The following CDK13 variants were observed in gnomAD, a reference collection of about 807,000 sequenced individuals.
The protein encoded by CDK13 is cyclin-dependent kinase 13.
CDK13 carries 40 observed loss-of-function variants against 137.6 expected under a neutral mutation model. That is an observed-to-expected ratio of 0.29 (90% CI 0.23 to 0.38). The LOEUF (loss-of-function observed/expected upper bound fraction) is 0.38, where lower values mean the gene tolerates loss of function less well. Among genes scored for constraint, CDK13 ranks in the 10% least tolerant of loss-of-function variants. CDK13 has a pLI of 1.00. For synonymous variants in CDK13, 869 were observed against 760.1 expected (o/e 1.14, Z -2.36); for missense variants, 1,704 against 1,951.8 (o/e 0.87, Z 2.39).
chr7:40,046,037 A>G lies in CDK13; in HGVS notation c.2543+12A>G. The stretch of plus-strand genomic sequence containing the variant: ...CTTCTAAATAATAGGTATGGGTATG[A>G]ACTTTATATATATTTAAAATGAGTT... On this transcript the variant is annotated intron_variant, in intron 6 of 13. Coordinates refer to ENST00000181839, the MANE Select transcript of CDK13 (RefSeq NM_003718.5). 1 of 1,399,574 alleles carries G rather than the reference A, an allele frequency of 7.1e-7. No individual in the cohort carries two copies. The highest frequency in any genetic ancestry group is 1.0e-6 in the Non-Finnish European group (1 of 1,002,878). 86.7% of individuals were successfully genotyped at this position (1,399,574 alleles called of 1,614,324 possible). A position where few individuals can be genotyped will look rare whatever the true frequency, so the allele number is the denominator to read the frequency against.
At chr7:40,090,574 G>T (rs919912781) in intron 12 of CDK13, among the ~76,000 whole-genome samples, 2 of 152,014 alleles carry the variant, frequency 1.3e-5, no homozygotes, top group East Asian at 3.9e-4. Flanking sequence ...GGCTGGTCTC[G>T]AACTCCTGAC....
rs1408720291 is a variant in CDK13, at chr7:40,063,005, G to A, written c.2703-18G>A. On this transcript the variant is annotated intron_variant, in intron 8 of 13. Coordinates refer to ENST00000181839, the MANE Select transcript of CDK13 (RefSeq NM_003718.5). ...TTAAAATAGATCATTTGGTAATGAC[G>A]GGTATTTTTTCCATTAGCTGTATCC... 13 of 1,610,534 alleles carry A rather than the reference G, an allele frequency of 8.1e-6. No homozygotes were observed. In the East Asian group the frequency reaches 8.9e-5, roughly 11 times the overall value.
intron 9 of CDK13, chr7:40,069,377 G>A (rs1786360658): frequency 2.2e-6 from 1 of 448,594 alleles, no homozygotes; most frequent in African/African-American, 2.0e-5. Flanking sequence ...ATACCGAAAA[G>A]TGTGTGGCCT....
chr7:40,029,284 C>T (rs780382229), intron 5 of CDK13, among the ~76,000 whole-genome samples: 2 of 151,786 alleles, frequency 1.3e-5, no homozygotes, highest in African/African-American at 4.8e-5. Context: ...AAAAATCATT[C>T]GATCGTGGTG....
chr7:40,015,593 G>T (rs17537936), intron 5 of CDK13, among the ~76,000 whole-genome samples: 5,968 of 152,166 alleles, frequency 0.039, 345 homozygotes, highest in African/African-American at 0.13. Flanking sequence ...TAGCTTGGTA[G>T]TAGATTGATT....
chr7:39,950,428 T>C lies in CDK13; in HGVS notation c.-214T>C. 1 of 1,232,438 alleles carries C rather than the reference T, an allele frequency of 8.1e-7. No homozygotes were observed. The highest frequency in any genetic ancestry group is 1.0e-6 in the Non-Finnish European group (1 of 988,354). 76.3% of individuals were successfully genotyped at this position (1,232,438 alleles called of 1,614,324 possible). ...TCGGGAGCTCCGCCGCCCGGATTCC[T>C]GCTTCCCTGGGGCCCGGAGGCTGCT... On this transcript the variant is annotated 5_prime_UTR_variant, in exon 1 of 14. Coordinates refer to ENST00000181839, the MANE Select transcript of CDK13 (RefSeq NM_003718.5).
chr7:40,085,370 A>G (rs940283338), intron 11 of CDK13, among the ~76,000 whole-genome samples: 1 of 148,032 alleles, frequency 6.8e-6, no homozygotes. Context: ...TTCCATCTCA[A>G]AAAAAAAAAA....
intron 5 of CDK13, among the ~76,000 whole-genome samples, chr7:40,005,521 T>C (rs183617687): frequency 1.8e-3 from 281 of 152,222 alleles, no homozygotes; most frequent in African/African-American, 6.3e-3. Flanking sequence ...GGTCTGGAAC[T>C]CCTGACCTCA....
In CDK13 at chr7:40,096,402, T is replaced by C. The variant is rs1787048175; in HGVS notation, c.*1422T>C. ...GGAGTAGTCCTTATTTAAACTGTAA[T>C]GGTGTCAAGTCTCACTGTGTGCACA... is the stretch of plus-strand genomic sequence containing the variant. On this transcript the variant is annotated 3_prime_UTR_variant, in exon 14 of 14. Coordinates refer to ENST00000181839, the MANE Select transcript of CDK13 (RefSeq NM_003718.5). 6.6e-6 allele frequency: 1 copy of C among 152,076 alleles called. No homozygotes were observed. The highest frequency in any genetic ancestry group is 1.5e-5 in the Non-Finnish European group (1 of 67,992). The allele number at this position is 152,076 out of a possible 1,614,324, so 9.4% of individuals were successfully genotyped here. A position where few individuals can be genotyped will look rare whatever the true frequency, so the allele number is the denominator to read the frequency against.
At chr7:40,029,156 G>A (rs1785310532) in intron 5 of CDK13, among the ~76,000 whole-genome samples, 1 of 151,986 alleles carries the variant, frequency 6.6e-6, no homozygotes, top group South Asian at 2.1e-4. Flanking sequence ...GCTGGGCGTG[G>A]TGGCTCACAC....
chr7:40,081,246 T>C (rs1353060389), intron 11 of CDK13, among the ~76,000 whole-genome samples: 1 of 152,226 alleles, frequency 6.6e-6, no homozygotes, highest in East Asian at 1.9e-4. Flanking sequence ...GTGATAATTA[T>C]GTTCAAGAGA....
chr7:39,970,036 AGACAGCGT>A (rs1437985448), intron 1 of CDK13, among the ~76,000 whole-genome samples: 9 of 128,342 alleles, frequency 7.0e-5, no homozygotes, highest in Non-Finnish European at 1.1e-4. Flanking sequence ...TTTTTTTTTG[AGACAGCGT>A]GTCTCACTCT....
intron 11 of CDK13, among the ~76,000 whole-genome samples, chr7:40,086,809 CTTT>C (rs35337864): frequency 9.8e-5 from 12 of 122,478 alleles, no homozygotes; most frequent in African/African-American, 2.0e-4. Flanking sequence ...TAGCCTTACT[CTTT>C]TTTTTTTTTT....
intron 12 of CDK13, among the ~76,000 whole-genome samples, chr7:40,089,500 T>A (rs1432023532): frequency 1.3e-5 from 2 of 152,058 alleles, no homozygotes; most frequent in African/African-American, 4.8e-5. Context: ...AATTTCTTCC[T>A]TTGACTCAGT....
rs1247887509 is a variant in CDK13 at position 39,997,573 on chromosome 7, C to G, written c.1951C>G (p.Leu651Val). 2 of 1,607,672 alleles carry G rather than the reference C, an allele frequency of 1.2e-6. No homozygotes were observed. The highest frequency in any genetic ancestry group is 2.2e-5 in the East Asian group (1 of 44,814). Residue 651 changes from leucine to valine, a missense_variant, in exon 3 of 14, where the codon CTG (leucine) becomes GTG (valine). This residue lies in a region of CDK13 where 1,051 missense variants were observed against 931.0 expected (regional missense o/e 1.13). Coordinates refer to ENST00000181839, the MANE Select transcript of CDK13 (RefSeq NM_003718.5). ...KLRCLLADLP[L>V]PPELPGGDDL... The stretch of plus-strand genomic sequence containing the variant: ...CCGATGTCTTCTTGCTGATTTACCG[C>G]TGCCCCCTGAGCTACCAGGAGGAGA...
At chr7:39,982,771 G>A (rs1490961760) in intron 1 of CDK13, among the ~76,000 whole-genome samples, 2 of 152,184 alleles carry the variant, frequency 1.3e-5, no homozygotes, top group East Asian at 3.8e-4. Context: ...GGCCAGTGAT[G>A]ATGAGCATTT....
intron 4 of CDK13, 118 bp from the exon 5 acceptor site, chr7:40,001,739 ATACT>A: frequency 1.4e-6 from 1 of 734,134 alleles, no homozygotes; most frequent in Middle Eastern, 4.1e-4. Context: ...AAACTGAAAC[ATACT>A]TTGTGGTTCT....
At chr7:39,954,838 C>CA (rs1787357966) in intron 1 of CDK13, among the ~76,000 whole-genome samples, 1 of 152,166 alleles carries the variant, frequency 6.6e-6, no homozygotes, top group Admixed American at 6.6e-5. Flanking sequence ...AGGCTGGTGT[C>CA]AAACTCCTGG....
chr7:39,992,163 G>GGGGGGTGT lies in CDK13; in HGVS notation c.1871+3906_1871+3907insGGGGTGTG, dbSNP rs550297232. On this transcript the variant is annotated intron_variant, in intron 2 of 13. Coordinates refer to ENST00000181839, the MANE Select transcript of CDK13 (RefSeq NM_003718.5). ...CTAGTTGTTTAAGAGAACTAATGAGGGTGTGTGTGTGTGTGTGTGTGTGTG... is the reference window on the plus strand; with the variant it reads ...CTAGTTGTTTAAGAGAACTAATGAGGGGGGGTGTGTGTGTGTGTGTGTGTGTGTGTGTG... 1.1e-4 allele frequency among the ~76,000 whole-genome samples: 16 copies of GGGGGGTGT among 146,408 alleles called. 1 individual carries two copies. The highest frequency in any genetic ancestry group is 4.4e-4 in the South Asian group (2 of 4,508).
Sources: allele counts gnomAD v4.1 joint callset (sites outside exome capture counted in the v4.1 genomes callset), GRCh38; gene constraint gnomAD v4.1.1; regional missense constraint gnomAD v4.1.1; transcripts MANE v1.5; gene names NCBI Gene and HGNC (gene_info 2026-07-23, HGNC 2026-07-21).